Variants in F5 observed in about 807,000 individuals in gnomAD.
F5 encodes the protein coagulation factor V.
Under a neutral mutation model 216.4 loss-of-function variants are expected in F5, and 138 were observed. The ratio of observed to expected loss-of-function variants is 0.64; its 90% confidence interval spans 0.56 to 0.73. The LOEUF (loss-of-function observed/expected upper bound fraction) is 0.73. Among genes scored for constraint, F5 ranks in the 30% least tolerant of loss-of-function variants. The pLI, the probability that F5 is intolerant of heterozygous loss-of-function variation, is 0.00. For missense variants in F5, 2,403 were observed against 2,674.0 expected (o/e 0.90, Z 2.24); for synonymous variants, 916 against 930.7 (o/e 0.98, Z 0.29).
rs1286783795 is a variant in F5, at chr1:169,523,849, C to T, written c.5844G>A (p.Trp1948Ter). The change falls in exon 20 of 25, where the codon TGG becomes TGA. Residue 1948 changes from tryptophan (W) to a stop codon, truncating the protein, a stop_gained. Coordinates refer to ENST00000367797, the MANE Select transcript of F5 (RefSeq NM_000130.5). LOFTEE classifies it high-confidence loss of function. ...RLNNGGSYNA[W>*]SVEKLAAEFA... ...ATTCTGCTGCAAGTTTTTCTACACT[C>T]CAAGCATTATAAGATCCACCATTGT... The T allele has an allele frequency of 1.2e-6, 2 of 1,613,810 alleles. No homozygotes were observed. Among genetic ancestry groups the T allele is most frequent in the Non-Finnish European group, 1.7e-6 (2 of 1,179,944 alleles).
In F5 at chr1:169,529,789, A is replaced by T. The variant is rs1659548757; in HGVS notation, c.5238T>A (p.Gly1746=). The part of the protein sequence containing the change: ...PEKDIHSGLI[G]PLLICQKGIL... ...TTCCTTTTTGGCAGATTAGGAGGGG[A>T]CCTATCAAGCCTGAGTGAATATCTT... Residue 1746 remains glycine, a synonymous_variant, in exon 16 of 25, where the codon GGT becomes GGA. Transcript: ENST00000367797. 1.2e-6 allele frequency: 2 copies of T among 1,613,378 alleles called. No individual in the cohort carries two copies. The highest frequency in any genetic ancestry group is 1.7e-6 in the Non-Finnish European group (2 of 1,179,654).
intron 7 of F5, among the ~76,000 whole-genome samples, chr1:169,553,701 G>C (rs555187093): frequency 1.3e-5 from 2 of 152,324 alleles, no homozygotes; most frequent in Non-Finnish European, 2.9e-5. Flanking sequence ...CAGCCTGGGC[G>C]ACAGAGCGAG....
chr1:169,565,964 A>C (rs1159093231), intron 3 of F5, among the ~76,000 whole-genome samples: 1 of 152,148 alleles, frequency 6.6e-6, no homozygotes, highest in Non-Finnish European at 1.5e-5. Flanking sequence ...AAGTTATAAC[A>C]TAATTCTAGT....
intron 17 of F5, among the ~76,000 whole-genome samples, chr1:169,526,412 A>T (rs975748076): frequency 7.2e-5 from 11 of 152,112 alleles, no homozygotes; most frequent in African/African-American, 2.7e-4. Flanking sequence ...TTTTTTATAT[A>T]AGAAAATAAA....
At chr1:169,522,892 C>T (rs1352172471) in intron 21 of F5, among the ~76,000 whole-genome samples, 1 of 152,188 alleles carries the variant, frequency 6.6e-6, no homozygotes, top group Non-Finnish European at 1.5e-5. Context: ...AGGCGCAAGA[C>T]CAGATGTTCT....
intron 13 of F5, among the ~76,000 whole-genome samples, chr1:169,537,073 A>T (rs1227480340): frequency 6.6e-6 from 1 of 152,144 alleles, no homozygotes; most frequent in Non-Finnish European, 1.5e-5. Flanking sequence ...ACTGGGTATA[A>T]GTGCCATGAG....
chr1:169,580,472 C>T (rs1660963522), intron 2 of F5, among the ~76,000 whole-genome samples: 1 of 151,958 alleles, frequency 6.6e-6, no homozygotes, highest in South Asian at 2.1e-4. Context: ...CAGCCTCCAC[C>T]TCCTGGGTTC....
rs183596349 is a variant in F5 at position 169,518,381 on chromosome 1, A to G, written c.6345+31T>C. 3.7e-6 allele frequency: 6 copies of G among 1,613,100 alleles called. No homozygotes were observed. The East Asian group carries it at 8.9e-5, about 24-fold the overall frequency. On this transcript the variant is annotated intron_variant, in intron 23 of 24. Transcript: ENST00000367797. ...GGCCTTTGCTTTCTTCTGGAGCCCT[A>G]AGAGAACACCATGCATAGAGTATAC...
chr1:169,513,144 G>A lies in F5; in HGVS notation c.*1169C>T, dbSNP rs562332594. ...GGTCTGAGAGATTGTTATGAATTTC[G>A]TTGATAAAATTTTATATATTTATGG... On this transcript the variant is annotated 3_prime_UTR_variant, in exon 25 of 25. Transcript: ENST00000367797. Among the ~76,000 whole-genome samples the A allele has an allele frequency of 5.9e-5, 9 of 151,608 alleles. No individual in the cohort carries two copies. Among genetic ancestry groups the A allele is most frequent in the African/African-American group, 9.7e-5 (4 of 41,234 alleles).
Position 169,555,245 on chromosome 1 carries a change from T to C in F5, c.1055A>G (p.Tyr352Cys). The C allele has an allele frequency of 6.2e-7, 1 of 1,614,116 alleles. No homozygotes were observed. Among genetic ancestry groups the C allele is most frequent in the Non-Finnish European group, 8.5e-7 (1 of 1,179,972 alleles). Residue 352 changes from tyrosine to cysteine, a missense_variant, in exon 7 of 25, where the codon TAC becomes TGC. By Grantham distance (194) the Tyr-to-Cys change is radical. Coordinates refer to ENST00000367797, the MANE Select transcript of F5 (RefSeq NM_000130.5). Reference sequence around the variant, plus strand: ...AATGACTTCCTCTGCAGCAATGAAGTATTCCCACCTCTTCATGTGCCGCCT... The same window carrying C: ...AATGACTTCCTCTGCAGCAATGAAGCATTCCCACCTCTTCATGTGCCGCCT... ...EQRRHMKRWE[Y>C]FIAAEEVIWD...
At chr1:169,523,488 A>C (rs1369799565) in intron 20 of F5, 136 bp from the exon 21 acceptor site, 16 of 1,010,660 alleles carry the variant, frequency 1.6e-5, no homozygotes, top group Non-Finnish European at 2.4e-5. Context: ...TACAATGACT[A>C]CATGCAATTC....
At chr1:169,546,640 C>A (rs1299947573) in intron 10 of F5, 48 bp from the exon 11 acceptor site, 2 of 1,533,446 alleles carry the variant, frequency 1.3e-6, no homozygotes, top group Non-Finnish European at 1.8e-6. Flanking sequence ...GACGCATAGA[C>A]CAATGGAACA....
Position 169,536,604 on chromosome 1 carries a change from C to G in F5, c.4873G>C (p.Asp1625His), listed in dbSNP as rs914900338. The stretch of plus-strand genomic sequence containing the variant: ...GGATCACGTTTGGTAAAAGTGCTGT[C>G]GAGGTACTTTCGAAAAACTACTTTC... ...YKKVVFRKYL[D>H]STFTKRDPRG... is the part of the protein sequence containing the mutation. The change falls in exon 14 of 25, where the codon GAC becomes CAC. Residue 1625 changes from aspartate (D) to histidine (H), a missense_variant. Asp to His is a moderately conservative substitution (Grantham distance 81). Transcript: ENST00000367797. 6.2e-7 allele frequency: 1 copy of G among 1,613,308 alleles called. No homozygotes were observed. Among genetic ancestry groups the G allele is most frequent in the African/African-American group, 1.3e-5 (1 of 74,860 alleles).
chr1:169,550,243 T>G (rs1260842875), intron 9 of F5, among the ~76,000 whole-genome samples: 1 of 150,474 alleles, frequency 6.6e-6, no homozygotes, highest in African/African-American at 2.4e-5. Context: ...AACTTGTCAT[T>G]AACATTAGGT....
intron 18 of F5, among the ~76,000 whole-genome samples, chr1:169,525,635 T>C (rs1659427519): frequency 6.6e-6 from 1 of 152,206 alleles, no homozygotes. Context: ...GCTGGAAAAT[T>C]TCTTATATGC....
At chr1:169,583,822 G>A (rs1389131066) in intron 1 of F5, among the ~76,000 whole-genome samples, 1 of 152,238 alleles carries the variant, frequency 6.6e-6, no homozygotes, top group East Asian at 1.9e-4. Flanking sequence ...AGGCACGTAA[G>A]TACTTTTAGA....
intron 18 of F5, among the ~76,000 whole-genome samples, chr1:169,525,651 T>G (rs987359719): frequency 1.3e-5 from 2 of 152,214 alleles, no homozygotes; most frequent in Non-Finnish European, 2.9e-5. Flanking sequence ...TATGCACTTG[T>G]CCATGGATCA....
chr1:169,579,640 C>T (rs1194610943), intron 2 of F5, among the ~76,000 whole-genome samples: 1 of 152,202 alleles, frequency 6.6e-6, no homozygotes, highest in Non-Finnish European at 1.5e-5. Context: ...ATCCATTCTG[C>T]TGTTCAAACC....
chr1:169,529,785 G>A lies in F5; in HGVS notation c.5242C>T (p.Leu1748Phe). 6.2e-7 allele frequency: 1 copy of A among 1,613,544 alleles called. No individual in the cohort carries two copies. Among genetic ancestry groups the A allele is most frequent in the African/African-American group, 1.3e-5 (1 of 74,936 alleles). The change falls in exon 16 of 25, where the codon CTC becomes TTC. Residue 1748 changes from leucine to phenylalanine, a missense_variant. Physicochemically the swap from Leu to Phe is conservative, Grantham distance 22. Coordinates refer to ENST00000367797, the MANE Select transcript of F5 (RefSeq NM_000130.5). Reference sequence around the variant, plus strand: ...AGTATTCCTTTTTGGCAGATTAGGAGGGGACCTATCAAGCCTGAGTGAATA... The same window carrying A: ...AGTATTCCTTTTTGGCAGATTAGGAAGGGACCTATCAAGCCTGAGTGAATA... ...KDIHSGLIGP[L>F]LICQKGILHK...
Sources: gnomAD v4.1 joint callset for allele counts (sites outside exome capture counted in the v4.1 genomes callset) on GRCh38, gnomAD v4.1.1 for gene constraint, MANE v1.5 for transcripts, NCBI Gene and HGNC (gene_info 2026-07-23, HGNC 2026-07-21) for gene names.